Variants in EIF3H observed in about 807,000 individuals in gnomAD.
The protein encoded by EIF3H is eukaryotic translation initiation factor 3 subunit H.
In EIF3H, 26 loss-of-function variants were observed where a neutral mutation model predicts 44.2. The ratio of observed to expected loss-of-function variants is 0.59; its 90% CI spans 0.43 to 0.82. The LOEUF is 0.82. Ranked by LOEUF, EIF3H falls within the 40% of genes least tolerant of loss-of-function variation. The pLI is 0.00. For missense variants in EIF3H, 359 were observed against 432.8 expected (o/e 0.83, Z 1.51); for synonymous variants, 166 against 151.9 (o/e 1.09, Z -0.68).
intron 1 of EIF3H, among the ~76,000 whole-genome samples, chr8:116,748,576 TC>T (rs1315254156): frequency 6.6e-6 from 1 of 152,244 alleles, no homozygotes; most frequent in African/African-American, 2.4e-5. Context: ...GTATATTCAT[TC>T]ATTCACAACA....
chr8:116,653,424 A>G (rs1813430907), intron 5 of EIF3H, among the ~76,000 whole-genome samples: 1 of 151,492 alleles, frequency 6.6e-6, no homozygotes, highest in African/African-American at 2.4e-5. Context: ...ATGACAGAAA[A>G]TCAGACCACT....
At chr8:116,742,955 C>T (rs1000992069) in intron 1 of EIF3H, among the ~76,000 whole-genome samples, 2 of 152,162 alleles carry the variant, frequency 1.3e-5, no homozygotes, top group Admixed American at 1.3e-4. Context: ...ACAGTAAGTC[C>T]ACAAGGTGGT....
intron 2 of EIF3H, among the ~76,000 whole-genome samples, chr8:116,679,759 G>T (rs1813934735): frequency 8.6e-5 from 1 of 11,640 alleles, no homozygotes; most frequent in African/African-American, 4.5e-4. Flanking sequence ...CGGGAGGGAG[G>T]TGGGGGGGTC....
upstream of EIF3H, among the ~76,000 whole-genome samples, chr8:116,758,741 C>G (rs918537918): frequency 6.6e-6 from 1 of 152,074 alleles, no homozygotes; most frequent in East Asian, 1.9e-4. Flanking sequence ...GGAAACTAAA[C>G]AACATACTTC....
intron 1 of EIF3H, among the ~76,000 whole-genome samples, chr8:116,762,981 A>G (rs1487646647): frequency 6.6e-6 from 1 of 152,200 alleles, no homozygotes; most frequent in East Asian, 1.9e-4. Flanking sequence ...TGGGGAATGG[A>G]TTTGCTTATC....
chr8:116,754,927 G>C (rs545460102), intron 1 of EIF3H, among the ~76,000 whole-genome samples: 4 of 152,184 alleles, frequency 2.6e-5, no homozygotes, highest in Non-Finnish European at 5.9e-5. Context: ...CAAAGGAAGA[G>C]AGGATGCTTT....
chr8:116,663,693 G>A (rs1299354891), intron 2 of EIF3H, among the ~76,000 whole-genome samples: 13 of 152,154 alleles, frequency 8.5e-5, no homozygotes. Context: ...CACTTTGGGA[G>A]GCTGAGGCAG....
upstream of EIF3H, among the ~76,000 whole-genome samples, chr8:116,760,205 T>C (rs1173026169): frequency 2.0e-5 from 3 of 152,230 alleles, no homozygotes; most frequent in Non-Finnish European, 4.4e-5. Context: ...TGGCTACCAC[T>C]ATAATCTCAA....
At chr8:116,664,068 A>C (rs1428036240) in intron 2 of EIF3H, among the ~76,000 whole-genome samples, 1 of 152,224 alleles carries the variant, frequency 6.6e-6, no homozygotes, top group Non-Finnish European at 1.5e-5. Flanking sequence ...AAGTTTTATA[A>C]ATCTCTTCAA....
intron 1 of EIF3H, among the ~76,000 whole-genome samples, chr8:116,752,832 AG>A (rs1722868287): frequency 9.1e-6 from 1 of 109,984 alleles, no homozygotes; most frequent in African/African-American, 3.2e-5. Context: ...AAGGAAGGAA[AG>A]AGAGAGAGAA....
intron 1 of EIF3H, among the ~76,000 whole-genome samples, chr8:116,746,294 T>C (rs1049392598): frequency 6.6e-5 from 10 of 152,232 alleles, no homozygotes; most frequent in Admixed American, 4.6e-4. Context: ...AACTATTCTG[T>C]ACACACCTTA....
intron 2 of EIF3H, among the ~76,000 whole-genome samples, chr8:116,724,558 A>AT (rs927367443): frequency 6.6e-6 from 1 of 152,196 alleles, no homozygotes; most frequent in Non-Finnish European, 1.5e-5. Flanking sequence ...CCCATATCTG[A>AT]TAAGAGGTTA....
intron 2 of EIF3H, among the ~76,000 whole-genome samples, chr8:116,659,181 T>G (rs773559577): frequency 2.6e-5 from 4 of 152,334 alleles, no homozygotes; most frequent in Admixed American, 6.5e-5. Flanking sequence ...TTTCCTTTTA[T>G]TCTTTAATGA....
At chr8:116,716,252 T>A (rs1241501786) in intron 2 of EIF3H, among the ~76,000 whole-genome samples, 1 of 152,108 alleles carries the variant, frequency 6.6e-6, no homozygotes, top group Non-Finnish European at 1.5e-5. Flanking sequence ...AGCTCCAAAG[T>A]ATAAAGCTGA....
intron 2 of EIF3H, among the ~76,000 whole-genome samples, chr8:116,699,784 T>G (rs1211341330): frequency 6.9e-6 from 1 of 145,380 alleles, no homozygotes; most frequent in Admixed American, 6.7e-5. Flanking sequence ...TAATGGCAAA[T>G]GACAGTGCAG....
rs528164163 is a variant in EIF3H at position 116,720,722 on chromosome 8, G to C, written c.289+5294C>G. Among the ~76,000 whole-genome samples the C allele has an allele frequency of 5.3e-5, 8 of 152,276 alleles. No homozygotes were observed. In the East Asian group the frequency reaches 7.7e-4, roughly 15 times the overall value. ...AAAATGCATAACGAAAATCCAGGCTGAGGTGATCTCAGAGGAACTTGTTGG... is the reference window on the plus strand; with the variant it reads ...AAAATGCATAACGAAAATCCAGGCTCAGGTGATCTCAGAGGAACTTGTTGG... On this transcript the variant is annotated intron_variant, in intron 2 of 7. Coordinates refer to ENST00000521861, the MANE Select transcript of EIF3H (RefSeq NM_003756.3).
rs552356790 is a variant in EIF3H, at chr8:116,691,789, T to C, written c.290-32809A>G. Among the ~76,000 whole-genome samples the C allele has an allele frequency of 1.2e-4, 18 of 151,736 alleles. No homozygotes were observed. In the East Asian group the frequency reaches 3.5e-3, roughly 29 times the overall value. On this transcript the variant is annotated intron_variant, in intron 2 of 7. Transcript: ENST00000521861. The stretch of plus-strand genomic sequence containing the variant: ...ACCTGGGAGGCTGAAGCAGAATTGC[T>C]TGAACCCAGGAGGCGGAGGATGCAG...
At chr8:116,719,818 G>A (rs796100261) in intron 2 of EIF3H, among the ~76,000 whole-genome samples, 11 of 152,160 alleles carry the variant, frequency 7.2e-5, no homozygotes, top group African/African-American at 2.4e-4. Flanking sequence ...AATTTCTAAA[G>A]GCAGACCAAG....
intron 2 of EIF3H, among the ~76,000 whole-genome samples, chr8:116,681,854 G>T (rs1451910900): frequency 6.6e-6 from 1 of 152,098 alleles, no homozygotes; most frequent in African/African-American, 2.4e-5. Flanking sequence ...TTCACAGAGA[G>T]TACATTCTGT....
Sources: allele counts gnomAD v4.1 joint callset (sites outside exome capture counted in the v4.1 genomes callset), GRCh38; gene constraint gnomAD v4.1.1; transcripts MANE v1.5; gene names NCBI Gene and HGNC (gene_info 2026-07-23, HGNC 2026-07-21).